The following NFIB variants were observed in gnomAD, a reference collection of about 807,000 sequenced individuals.
NFIB encodes nuclear factor 1 B-type.
NFIB carries 11 observed loss-of-function variants against 61.5 expected under a neutral mutation model. The ratio of observed to expected loss-of-function variants is 0.18; its 90% confidence interval spans 0.11 to 0.30. The LOEUF is 0.30. NFIB is among the 10% of genes least tolerant of loss of function. NFIB has a pLI of 1.00. For synonymous variants in NFIB, 260 were observed against 216.5 expected (o/e 1.20, Z -1.76); for missense variants, 471 against 608.9 (o/e 0.77, Z 2.38).
chr9:14,482,385 C>G, the NFIB span, among the ~76,000 whole-genome samples: 3 of 152,168 alleles, frequency 2.0e-5, no homozygotes, highest in Non-Finnish European at 2.9e-5. Context: ...CCCTCCTCCT[C>G]AGCCATGCAT....
intron 6 of NFIB, among the ~76,000 whole-genome samples, chr9:14,129,786 T>G (rs1405236791): frequency 1.3e-5 from 2 of 152,144 alleles, no homozygotes; most frequent in African/African-American, 4.8e-5. Context: ...AATAATAAAG[T>G]TGAATAATGC....
chr9:14,141,859 G>A (rs140271014), intron 6 of NFIB, among the ~76,000 whole-genome samples: 2,990 of 129,816 alleles, frequency 0.023, 107 homozygotes, highest in African/African-American at 0.079. Context: ...CACTGTGGAA[G>A]CTTTGTTCTT....
the NFIB span, among the ~76,000 whole-genome samples, chr9:14,507,398 C>A: frequency 3.9e-5 from 6 of 152,112 alleles, no homozygotes; most frequent in African/African-American, 1.4e-4. Flanking sequence ...ATTTTGAAAC[C>A]TTTTAAAGCA....
At chr9:14,097,839 A>AC (rs561034951) in intron 10 of NFIB, among the ~76,000 whole-genome samples, 223 of 127,284 alleles carry the variant, frequency 1.8e-3, no homozygotes, top group South Asian at 6.4e-3. Flanking sequence ...GAGAGCTATT[A>AC]CCCCCCCACA....
At chr9:14,205,565 G>T (rs921299525) in intron 2 of NFIB, among the ~76,000 whole-genome samples, 5 of 152,040 alleles carry the variant, frequency 3.3e-5, no homozygotes, top group Non-Finnish European at 7.4e-5. Flanking sequence ...CTTTGAGACT[G>T]TTCCGCAAGT....
At chr9:14,489,259 T>C in the NFIB span, among the ~76,000 whole-genome samples, 1 of 152,216 alleles carries the variant, frequency 6.6e-6, no homozygotes, top group African/African-American at 2.4e-5. Flanking sequence ...TGAGGAAATA[T>C]AACAGATTGA....
intron 3 of NFIB, among the ~76,000 whole-genome samples, chr9:14,173,522 A>T (rs1227664697): frequency 6.6e-6 from 1 of 152,210 alleles, no homozygotes; most frequent in Admixed American, 6.5e-5. Flanking sequence ...TGTGTAACTC[A>T]CATTTTTATC....
intron 1 of NFIB, among the ~76,000 whole-genome samples, chr9:14,370,773 G>A (rs73641914): frequency 0.024 from 3,615 of 152,266 alleles, 132 homozygotes; most frequent in African/African-American, 0.081. Flanking sequence ...CTGCTCTTCT[G>A]GAAATGCTAT....
chr9:14,354,460 A>G (rs1346187201), intron 1 of NFIB, among the ~76,000 whole-genome samples: 2 of 152,214 alleles, frequency 1.3e-5, no homozygotes, highest in Non-Finnish European at 2.9e-5. Context: ...CAAGACCAAA[A>G]TCTTCCCCAG....
chr9:14,473,907 A>G, the NFIB span, among the ~76,000 whole-genome samples: 1 of 152,156 alleles, frequency 6.6e-6, no homozygotes, highest in East Asian at 1.9e-4. Flanking sequence ...GTTTTTCACC[A>G]TCACCTCCTA....
At chr9:14,155,163 A>G (rs778845578) in intron 4 of NFIB, among the ~76,000 whole-genome samples, 1 of 152,182 alleles carries the variant, frequency 6.6e-6, no homozygotes, top group South Asian at 2.1e-4. Context: ...TGCATCTTGG[A>G]TATGTTTGTA....
At chr9:14,404,281 C>G in the NFIB span, among the ~76,000 whole-genome samples, 7 of 152,076 alleles carry the variant, frequency 4.6e-5, no homozygotes. Context: ...TCTACCACCC[C>G]GAGGATTCTT....
intron 2 of NFIB, among the ~76,000 whole-genome samples, chr9:14,232,318 C>A (rs376959463): frequency 6.6e-6 from 1 of 152,160 alleles, no homozygotes; most frequent in South Asian, 2.1e-4. Flanking sequence ...GGGATTACGA[C>A]CCCGTCACAC....
At chr9:14,093,384 T>C (rs775836291) in intron 10 of NFIB, 2 of 152,002 alleles carry the variant, frequency 1.3e-5, no homozygotes, top group South Asian at 2.1e-4. Context: ...ACTTAAAAGA[T>C]AGTAAATACT....
At chr9:14,442,406 T>C in the NFIB span, among the ~76,000 whole-genome samples, 1 of 152,172 alleles carries the variant, frequency 6.6e-6, no homozygotes, top group African/African-American at 2.4e-5. Context: ...AAAAATGCAT[T>C]TGACAAAATG....
the NFIB span, among the ~76,000 whole-genome samples, chr9:14,429,818 T>A: frequency 6.6e-6 from 1 of 152,226 alleles, no homozygotes. Flanking sequence ...GTGAATTCCA[T>A]CCATTCAGAT....
Position 14,202,399 on chromosome 9 carries a change from G to T in NFIB, c.563-22619C>A, listed in dbSNP as rs930769998. 5.3e-5 allele frequency among the ~76,000 whole-genome samples: 8 copies of T among 152,204 alleles called. No homozygotes were observed. The South Asian group carries it at 1.5e-3, about 28-fold the overall frequency. On this transcript the variant is annotated intron_variant, in intron 2 of 10. Coordinates refer to ENST00000380953, the MANE Select transcript of NFIB (RefSeq NM_001190737.2). Reference sequence around the variant, plus strand: ...ATTATCTTTCAGAATAGATGAAAGGGGTCTACTGACTAGTTCGGGAGCTGA... The same window carrying T: ...ATTATCTTTCAGAATAGATGAAAGGTGTCTACTGACTAGTTCGGGAGCTGA...
chr9:14,096,732 G>A (rs1363657866), intron 10 of NFIB: 3 of 152,124 alleles, frequency 2.0e-5, no homozygotes, highest in Admixed American at 6.5e-5. Context: ...CCTTCTTCAC[G>A]CTTCGGCTCC....
At chr9:14,276,142 T>G (rs1020035617) in intron 2 of NFIB, among the ~76,000 whole-genome samples, 1 of 152,132 alleles carries the variant, frequency 6.6e-6, no homozygotes, top group Non-Finnish European at 1.5e-5. Flanking sequence ...TTTTTTGGTA[T>G]GAGGTGGTGA....
Sources: allele counts gnomAD v4.1 joint callset (sites outside exome capture counted in the v4.1 genomes callset), GRCh38; gene constraint gnomAD v4.1.1; transcripts MANE v1.5; gene names NCBI Gene and HGNC (gene_info 2026-07-23, HGNC 2026-07-21).